The following NEBL variants were observed in gnomAD, a reference collection of about 807,000 sequenced individuals.
NEBL encodes the protein LIM and SH3 protein 2.
NEBL carries 122 observed loss-of-function variants against 140.2 expected under a neutral mutation model. The ratio of observed to expected loss-of-function variants is 0.87; its 90% confidence interval spans 0.75 to 1.01. NEBL has a LOEUF of 1.01. NEBL is among the 50% of genes least tolerant of loss of function. The probability of loss-of-function intolerance (pLI) is 0.00; values close to 1 mark genes in which losing one functional copy is unlikely to be tolerated. For synonymous variants in NEBL, 436 were observed against 398.9 expected (o/e 1.09, Z -1.11); for missense variants, 1,365 against 1,231.3 (o/e 1.11, Z -1.62).
rs145236275 is a variant in NEBL at position 21,033,227 on chromosome 10, A to AT, written c.165-13027dup. On this transcript the variant is annotated intron_variant, in intron 2 of 6. Transcript: ENST00000417816. ...CAGATTTGGGACTCGAGTATCTAAGATATGAGTATACTCTGAAAAATATCA... is the reference window on the plus strand; with the variant it reads ...CAGATTTGGGACTCGAGTATCTAAGATTATGAGTATACTCTGAAAAATATCA... Among the ~76,000 whole-genome samples, 4 of 152,338 alleles carry AT rather than the reference A, an allele frequency of 2.6e-5. No individual in the cohort carries two copies. The East Asian group carries it at 5.8e-4, about 22-fold the overall frequency.
At chr10:21,290,709 C>A (rs1843130850) in intron 1 of NEBL, among the ~76,000 whole-genome samples, 1 of 152,168 alleles carries the variant, frequency 6.6e-6, no homozygotes, top group African/African-American at 2.4e-5. Flanking sequence ...CCACCTCCCC[C>A]AGAGCTCAGA....
At chr10:21,162,782 G>A (rs1000454859) in intron 2 of NEBL, among the ~76,000 whole-genome samples, 1 of 152,196 alleles carries the variant, frequency 6.6e-6, no homozygotes, top group Non-Finnish European at 1.5e-5. Flanking sequence ...AAAGAGTTCA[G>A]TAATTGATTG....
intron 2 of NEBL, among the ~76,000 whole-genome samples, chr10:21,142,038 TA>T: frequency 6.6e-6 from 1 of 152,130 alleles, no homozygotes. Context: ...TGGCCGGGAT[TA>T]AAGGGTTTTG....
chr10:20,845,339 C>T lies in NEBL; in HGVS notation c.1146G>A (p.Glu382=). ...AATCCAGTGATGACCTTCCTTTAAT[C>T]TCCTTCTCAAAATCCTCTTTGTAAA... ...EKVYKEDFEK[E]IKGRSSLDLD... is the part of the protein sequence containing the mutation. Residue 382 remains glutamate, a synonymous_variant, in exon 12 of 28, where the codon GAG becomes GAA. Transcript: ENST00000377122. 1.9e-6 allele frequency: 3 copies of T among 1,603,236 alleles called. No individual in the cohort carries two copies. Among genetic ancestry groups the T allele is most frequent in the Non-Finnish European group, 1.7e-6 (2 of 1,170,614 alleles).
chr10:21,008,404 T>C (rs1406308899), intron 3 of NEBL, among the ~76,000 whole-genome samples: 1 of 152,218 alleles, frequency 6.6e-6, no homozygotes, highest in Admixed American at 6.5e-5. Flanking sequence ...CTATTAGTTA[T>C]TGTTGTGGTT....
intron 2 of NEBL, among the ~76,000 whole-genome samples, chr10:21,083,450 G>A (rs371102262): frequency 5.9e-5 from 9 of 152,146 alleles, no homozygotes; most frequent in South Asian, 2.1e-4. Context: ...AAAAGAGCCC[G>A]TCTGAGTTCT....
chr10:20,842,919 G>T (rs955568593), intron 12 of NEBL, among the ~76,000 whole-genome samples: 1 of 151,950 alleles, frequency 6.6e-6, no homozygotes, highest in Non-Finnish European at 1.5e-5. Flanking sequence ...GCTTCTAGGA[G>T]TTCAAGTATT....
chr10:20,958,382 T>C (rs1564462307), intron 4 of NEBL, among the ~76,000 whole-genome samples: 1 of 152,170 alleles, frequency 6.6e-6, no homozygotes, highest in South Asian at 2.1e-4. Flanking sequence ...AGGCAGGGCT[T>C]TCTGGCCCAC....
intron 14 of NEBL, among the ~76,000 whole-genome samples, chr10:20,835,264 G>A (rs576257586): frequency 6.6e-6 from 1 of 152,316 alleles, no homozygotes; most frequent in South Asian, 2.1e-4. Context: ...GCAGGGGAGT[G>A]CATGTGTGCA....
At chr10:21,231,132 C>T (rs1041355334) in intron 3 of NEBL, among the ~76,000 whole-genome samples, 3 of 152,170 alleles carry the variant, frequency 2.0e-5, no homozygotes, top group African/African-American at 4.8e-5. Context: ...TGTGTCCTCG[C>T]GATGTGCGAG....
At chr10:21,120,228 AG>A (rs1453428659) in intron 2 of NEBL, among the ~76,000 whole-genome samples, 13 of 151,586 alleles carry the variant, frequency 8.6e-5, no homozygotes, top group African/African-American at 3.1e-4. Context: ...TTTAAAAATT[AG>A]CCCTGCATGA....
chr10:21,271,345 A>G (rs1343349605), intron 1 of NEBL, among the ~76,000 whole-genome samples: 1 of 152,180 alleles, frequency 6.6e-6, no homozygotes, highest in Non-Finnish European at 1.5e-5. Context: ...GAACTCCTGG[A>G]AGTAGAGAGT....
intron 2 of NEBL, among the ~76,000 whole-genome samples, chr10:21,152,589 A>AG (rs1372093842): frequency 6.6e-6 from 1 of 152,038 alleles, no homozygotes; most frequent in Admixed American, 6.5e-5. Flanking sequence ...AAAAGAAAAA[A>AG]AAAAAATCCA....
At chr10:21,034,061 G>C (rs141594630) in intron 2 of NEBL, among the ~76,000 whole-genome samples, 147 of 151,176 alleles carry the variant, frequency 9.7e-4, no homozygotes, top group African/African-American at 3.5e-3. Flanking sequence ...CAGCTACTAG[G>C]GGGGCTGAGG....
At chr10:21,232,428 GTTA>G (rs1022499731) in intron 3 of NEBL, among the ~76,000 whole-genome samples, 1 of 152,124 alleles carries the variant, frequency 6.6e-6, no homozygotes, top group African/African-American at 2.4e-5. Context: ...CTTTATTTCT[GTTA>G]TTATTACATT....
At chr10:20,939,304 T>TCAACCCAGAATTTC (rs1378608288) in intron 4 of NEBL, among the ~76,000 whole-genome samples, 7 of 152,328 alleles carry the variant, frequency 4.6e-5, no homozygotes, top group African/African-American at 1.7e-4. Context: ...AAAAGAATTT[T>TCAACCCAGAATTTC]CAACCCAGAA....
At position 21,088,109 on chromosome 10, in the gene NEBL, C is replaced by G. The variant is rs144859899; in HGVS notation, c.165-67908G>C. On this transcript the variant is annotated intron_variant, in intron 2 of 6. Coordinates refer to the NEBL transcript ENST00000417816. ...ATGCTACATGTCCATCAGGAATCAC[C>G]CCTGGGTCTACATTCTCACCCTGGG... Among the ~76,000 whole-genome samples, 586 of 152,288 alleles carry G rather than the reference C, an allele frequency of 3.8e-3. 9 individuals are homozygous for G. Among genetic ancestry groups the G allele is most frequent in the African/African-American group, 0.013 (551 of 41,548 alleles).
intron 7 of NEBL, among the ~76,000 whole-genome samples, chr10:20,862,527 C>A (rs1843822986): frequency 6.6e-6 from 1 of 152,336 alleles, no homozygotes. Flanking sequence ...GCCAACTACA[C>A]AGACACACTC....
intron 11 of NEBL, among the ~76,000 whole-genome samples, chr10:20,846,501 A>G (rs11012358): frequency 0.024 from 3,657 of 152,296 alleles, 64 homozygotes; most frequent in Non-Finnish European, 0.033. Flanking sequence ...AGCCACAAGG[A>G]GAGAAACAAA....
Sources: allele counts gnomAD v4.1 joint callset (sites outside exome capture counted in the v4.1 genomes callset), GRCh38; gene constraint gnomAD v4.1.1; transcripts MANE v1.5; gene names NCBI Gene and HGNC (gene_info 2026-07-23, HGNC 2026-07-21).